The following TMEM230 variants were observed in gnomAD, a reference collection of about 807,000 sequenced individuals.
TMEM230 encodes the protein UPF0414 transmembrane protein C20orf30.
Under a neutral mutation model 15.8 loss-of-function variants are expected in TMEM230, and 10 were observed. The observed-to-expected ratio is 0.63, with a 90% confidence interval of 0.39 to 1.07. TMEM230 has a LOEUF of 1.07. Among genes scored for constraint, TMEM230 ranks in the 50% least tolerant of loss-of-function variants. TMEM230 has a pLI of 0.01. For synonymous variants in TMEM230, 67 were observed against 76.9 expected (o/e 0.87, Z 0.68); for missense variants, 165 against 193.3 (o/e 0.85, Z 0.87).
At chr20:5,112,715 C>G in intron 1 of TMEM230, 1 of 1,426,814 alleles carries the variant, frequency 7.0e-7, no homozygotes, top group Non-Finnish European at 9.2e-7. Flanking sequence ...CCTGGCATTA[C>G]GCGCCTCTAC....
At chr20:5,059,836 G>A in the TMEM230 span, among the ~76,000 whole-genome samples, 1 of 139,664 alleles carries the variant, frequency 7.2e-6, no homozygotes, top group East Asian at 2.1e-4. Flanking sequence ...ATGGAGTACA[G>A]TGGTGCAACC....
intron 3 of TMEM230, among the ~76,000 whole-genome samples, chr20:5,081,866 TTTTTTTC>T (rs925985660): frequency 2.5e-5 from 1 of 40,482 alleles, no homozygotes; most frequent in African/African-American, 6.3e-5. Context: ...CTGATTTTCT[TTTTTTTC>T]TTTTTTTTTT....
At position 5,100,902 on chromosome 20, in the gene TMEM230, G is replaced by C. The variant is rs2089830029; in HGVS notation, c.441C>G (p.Ile147Met). The stretch of plus-strand genomic sequence containing the variant: ...CGGGTAGGAACACCAGAATGCCAAT[G>C]ATCAGCACTGGAACGGCCCGGTCTG... Residue 147 changes from isoleucine to methionine, a missense_variant, in exon 5 of 5, where the codon ATC becomes ATG. Transcript: ENST00000342308. 2 of 1,614,074 alleles carry C rather than the reference G, an allele frequency of 1.2e-6. No homozygotes were observed. The highest frequency in any genetic ancestry group is 1.7e-6 in the Non-Finnish European group (2 of 1,180,040).
At chr20:5,089,791 G>A (rs572167567) in intron 3 of TMEM230, among the ~76,000 whole-genome samples, 6 of 152,226 alleles carry the variant, frequency 3.9e-5, no homozygotes, top group African/African-American at 1.2e-4. Context: ...CACTTTGGGA[G>A]GACGAGACCT....
rs1600426483 is a variant in TMEM230, at chr20:5,111,606, C to CAAA, written c.69-2_69-1insTTT. 1 of 37,376 alleles carries CAAA rather than the reference C, an allele frequency of 2.7e-5. No individual in the cohort carries two copies. The highest frequency in any genetic ancestry group is 4.6e-5 in the Non-Finnish European group (1 of 21,762). The allele number at this position is 37,376 out of a possible 1,614,324, so 2.3% of individuals were successfully genotyped here. On this transcript the variant is annotated splice_acceptor_variant, in intron 1 of 4. Transcript: ENST00000342308. LOFTEE classifies it high-confidence loss of function. ...CCTGGGCGACAGAACTAGACTCCAT[C>CAAA]TAAAAAAAAAAAAAAAAAAAAAAAA...
chr20:5,076,520 G>A (rs2089002397), intron 3 of TMEM230, among the ~76,000 whole-genome samples: 1 of 151,940 alleles, frequency 6.6e-6, no homozygotes, highest in Non-Finnish European at 1.5e-5. Context: ...CAGCCTGGCT[G>A]AAAGTGAGAC....
At chr20:5,103,102 G>GC (rs1287443715) in intron 4 of TMEM230, among the ~76,000 whole-genome samples, 1 of 152,158 alleles carries the variant, frequency 6.6e-6, no homozygotes, top group Non-Finnish European at 1.5e-5. Context: ...GGTGGCTCAC[G>GC]CCTGTAATCC....
intron 3 of TMEM230, among the ~76,000 whole-genome samples, chr20:5,075,976 G>A (rs1347719855): frequency 6.6e-6 from 1 of 151,938 alleles, no homozygotes; most frequent in Non-Finnish European, 1.5e-5. Flanking sequence ...GGGCGTGGTG[G>A]TGCGCACCTG....
intron 3 of TMEM230, among the ~76,000 whole-genome samples, chr20:5,073,622 T>TAGCC (rs2088897290): frequency 6.6e-6 from 1 of 152,222 alleles, no homozygotes; most frequent in South Asian, 2.1e-4. Flanking sequence ...GCCCAAAGGC[T>TAGCC]AGCCTAAGGC....
chr20:5,112,976 G>A lies in TMEM230; in HGVS notation c.53C>T (p.Pro18Leu), dbSNP rs774135888. The change falls in exon 1 of 5, where the codon CCT (proline) becomes CTT (leucine). Residue 18 changes from proline (P) to leucine (L), a missense_variant. Coordinates refer to ENST00000342308, the MANE Select transcript of TMEM230 (RefSeq NM_001009923.2). ...CACGCCTTACCGGAGCGCCGCGCCAGGCCGCCCGCACACCCAGAGCTCGCC... is the reference window on the plus strand; with the variant it reads ...CACGCCTTACCGGAGCGCCGCGCCAAGCCGCCCGCACACCCAGAGCTCGCC... 2.5e-5 allele frequency: 39 copies of A among 1,550,450 alleles called. No individual in the cohort carries two copies. The highest frequency in any genetic ancestry group is 3.2e-5 in the Non-Finnish European group (37 of 1,147,208).
intron 3 of TMEM230, among the ~76,000 whole-genome samples, chr20:5,084,807 T>G (rs2089289633): frequency 6.6e-6 from 1 of 152,236 alleles, no homozygotes; most frequent in African/African-American, 2.4e-5. Flanking sequence ...GTGTTGGGAT[T>G]ACAGGCGTGA....
intron 3 of TMEM230, among the ~76,000 whole-genome samples, chr20:5,107,973 A>G (rs1425473991): frequency 6.6e-6 from 1 of 151,904 alleles, no homozygotes; most frequent in Non-Finnish European, 1.5e-5. Flanking sequence ...TTGGCCAGGC[A>G]TGGTGGTGCA....
intron 3 of TMEM230, among the ~76,000 whole-genome samples, chr20:5,080,161 TG>T (rs1285685897): frequency 1.3e-5 from 2 of 152,230 alleles, no homozygotes; most frequent in African/African-American, 4.8e-5. Flanking sequence ...TGATATTATT[TG>T]TAATCATCTA....
chr20:5,108,779 T>C (rs1390126644), intron 3 of TMEM230, among the ~76,000 whole-genome samples: 1 of 152,226 alleles, frequency 6.6e-6, no homozygotes, highest in Non-Finnish European at 1.5e-5. Flanking sequence ...AGTTTATAAA[T>C]GGTTAGGGTA....
At chr20:5,086,411 C>A (rs377213507) in intron 3 of TMEM230, among the ~76,000 whole-genome samples, 1 of 151,198 alleles carries the variant, frequency 6.6e-6, no homozygotes, top group South Asian at 2.1e-4. Flanking sequence ...TGGTGGCGTG[C>A]GCCTGTAGTC....
intron 3 of TMEM230, among the ~76,000 whole-genome samples, chr20:5,089,690 G>A (rs1394986957): frequency 1.3e-5 from 2 of 151,584 alleles, no homozygotes; most frequent in African/African-American, 4.9e-5. Flanking sequence ...AACAGAGTGA[G>A]ACTCTGTCTT....
intron 4 of TMEM230, 56 bp from the exon 4 acceptor site, chr20:5,100,987 T>TA (rs2089836064): frequency 6.2e-7 from 1 of 1,600,532 alleles, no homozygotes; most frequent in Non-Finnish European, 8.5e-7. Flanking sequence ...CATTTTAAAA[T>TA]AAAACGTCAC....
chr20:5,077,764 G>A (rs2089049137), intron 3 of TMEM230, among the ~76,000 whole-genome samples: 1 of 152,026 alleles, frequency 6.6e-6, no homozygotes, highest in Admixed American at 6.6e-5. Flanking sequence ...AACCTGGGAG[G>A]CAGAGGTTGC....
Position 5,094,704 on chromosome 20 carries a change from CAAAA to C in TMEM230, c.222+11480_222+11483del, listed in dbSNP as rs774664710. Among the ~76,000 whole-genome samples, 275 of 61,588 alleles carry C rather than the reference CAAAA, an allele frequency of 4.5e-3. 1 individual carries two copies. Among genetic ancestry groups the C allele is most frequent in the African/African-American group, 0.018 (263 of 14,282 alleles). The allele number at this position is 61,588 out of a possible 152,430, so 40.4% of individuals were successfully genotyped here. A position where few individuals can be genotyped will look rare whatever the true frequency, so the allele number is the denominator to read the frequency against. ...CCTGGGACAGAGCTAGACTCCATCT[CAAAA>C]AAAAAAAAAAAAAAAAAAAATTTGT... is the stretch of plus-strand genomic sequence containing the variant. On this transcript the variant is annotated intron_variant, in intron 3 of 3. Coordinates refer to the TMEM230 transcript ENST00000612323.
Sources: gnomAD v4.1 joint callset for allele counts (sites outside exome capture counted in the v4.1 genomes callset) on GRCh38, gnomAD v4.1.1 for gene constraint, MANE v1.5 for transcripts, NCBI Gene and HGNC (gene_info 2026-07-23, HGNC 2026-07-21) for gene names.